The following PLD5 variants were observed in gnomAD, a reference collection of about 807,000 sequenced individuals.
PLD5 encodes inactive phospholipase D5.
Under a neutral mutation model 61.1 loss-of-function variants are expected in PLD5, and 36 were observed. The ratio of observed to expected loss-of-function variants is 0.59; its 90% CI spans 0.45 to 0.78. The LOEUF (loss-of-function observed/expected upper bound fraction) is 0.78. Ranked by LOEUF, PLD5 falls within the 30% of genes least tolerant of loss-of-function variation. PLD5 has a pLI of 0.00. For synonymous variants in PLD5, 243 were observed against 242.8 expected, an observed-to-expected ratio of 1.00 and a Z score of -0.01; for missense variants, 515 against 644.4, an observed-to-expected ratio of 0.80 and a Z score of 2.17.
At chr1:242,384,053 C>T (rs2149258416) in intron 1 of PLD5, among the ~76,000 whole-genome samples, 1 of 152,316 alleles carries the variant, frequency 6.6e-6, no homozygotes, top group Admixed American at 6.5e-5. Flanking sequence ...GGCTGAGCCA[C>T]TGCATCTGGG....
intron 1 of PLD5, among the ~76,000 whole-genome samples, chr1:242,403,722 C>G (rs1303913564): frequency 6.6e-6 from 1 of 152,078 alleles, no homozygotes; most frequent in Non-Finnish European, 1.5e-5. Flanking sequence ...CCCGCCTTGG[C>G]CTGGATAGGC....
intron 1 of PLD5, among the ~76,000 whole-genome samples, chr1:242,399,730 C>T (rs147196852): frequency 6.6e-6 from 1 of 152,226 alleles, no homozygotes; most frequent in African/African-American, 2.4e-5. Flanking sequence ...AGGAACTGAG[C>T]CCCACAGTAG....
chr1:242,439,479 G>A (rs1666171115), intron 1 of PLD5, among the ~76,000 whole-genome samples: 1 of 152,208 alleles, frequency 6.6e-6, no homozygotes, highest in African/African-American at 2.4e-5. Flanking sequence ...TCAGGCACTA[G>A]CGGGAAAATG....
chr1:242,500,718 G>A (rs1668526787), intron 1 of PLD5, among the ~76,000 whole-genome samples: 1 of 152,102 alleles, frequency 6.6e-6, no homozygotes, highest in Admixed American at 6.6e-5. Flanking sequence ...CAGAGCCCAG[G>A]AGCCTAAAAC....
At position 242,090,126 on chromosome 1, in the gene PLD5, G is replaced by C. The variant is rs763453200; in HGVS notation, c.1355-16C>G. ...TCAAAATTTCCTGCAAACAAACAAAGAAATAATGTTGAGGAGTTAGAGTCC... is the reference window on the plus strand; with the variant it reads ...TCAAAATTTCCTGCAAACAAACAAACAAATAATGTTGAGGAGTTAGAGTCC... On this transcript the variant is annotated splice_polypyrimidine_tract_variant and intron_variant, in intron 9 of 9. Transcript: ENST00000536534. 3.2e-5 allele frequency: 52 copies of C among 1,612,898 alleles called. No individual in the cohort carries two copies. The highest frequency in any genetic ancestry group is 1.1e-4 in the African/African-American group (8 of 74,840).
At chr1:242,385,438 T>C (rs1195867692) in intron 1 of PLD5, among the ~76,000 whole-genome samples, 3 of 152,164 alleles carry the variant, frequency 2.0e-5, no homozygotes, top group Non-Finnish European at 4.4e-5. Flanking sequence ...CTATGGATCA[T>C]GCACCTGCCC....
At chr1:242,099,560 G>C (rs551473296) in intron 9 of PLD5, among the ~76,000 whole-genome samples, 1 of 152,220 alleles carries the variant, frequency 6.6e-6, no homozygotes, top group African/African-American at 2.4e-5. Context: ...AGGGGCGGGA[G>C]GCAGTGGGTG....
At chr1:242,251,739 G>A (rs183305189) in intron 4 of PLD5, among the ~76,000 whole-genome samples, 67 of 152,166 alleles carry the variant, frequency 4.4e-4, no homozygotes, top group Non-Finnish European at 9.0e-4. Context: ...TAAGGGGAGA[G>A]AGCCATTTAA....
chr1:242,228,100 C>T (rs1304849217), intron 4 of PLD5, among the ~76,000 whole-genome samples: 2 of 152,160 alleles, frequency 1.3e-5, no homozygotes, highest in Non-Finnish European at 2.9e-5. Flanking sequence ...ATGGCGTGTT[C>T]ACATTTACAC....
rs571583614 is a variant in PLD5 at position 242,486,071 on chromosome 1, G to A, written c.189+38017C>T. Among the ~76,000 whole-genome samples, 22 of 151,946 alleles carry A rather than the reference G, an allele frequency of 1.4e-4. No homozygotes were observed. The South Asian group carries it at 4.2e-3, about 29-fold the overall frequency. On this transcript the variant is annotated intron_variant, in intron 1 of 9. Coordinates refer to ENST00000536534, the MANE Select transcript of PLD5 (RefSeq NM_001372062.1). ...CCTTATACAAAAATTAATTCAAGATGGATTAAAGACTTAAATGTTAGACCT... is the reference window on the plus strand; with the variant it reads ...CCTTATACAAAAATTAATTCAAGATAGATTAAAGACTTAAATGTTAGACCT...
At chr1:242,176,147 A>T (rs1267174581) in intron 5 of PLD5, among the ~76,000 whole-genome samples, 1 of 152,322 alleles carries the variant, frequency 6.6e-6, no homozygotes, top group African/African-American at 2.4e-5. Context: ...AAATAAAAAG[A>T]ATAAAGCTGG....
chr1:242,145,429 C>G (rs1016143699), intron 5 of PLD5, among the ~76,000 whole-genome samples: 1 of 151,890 alleles, frequency 6.6e-6, no homozygotes. Flanking sequence ...CCTAGTATGT[C>G]GTGGATGTTT....
rs115819151 is a variant in PLD5, at chr1:242,495,099, T to C, written c.189+28989A>G. Among the ~76,000 whole-genome samples, 1,027 of 152,246 alleles carry C rather than the reference T, an allele frequency of 6.7e-3. 14 individuals carry two copies. The highest frequency in any genetic ancestry group is 0.024 in the African/African-American group (978 of 41,552). ...CTTAACCAAGTCAAGCAGACAGTTC[T>C]GCCTCAACTGAAACCCATACTTAGC... On this transcript the variant is annotated intron_variant, in intron 1 of 9. Transcript: ENST00000536534.
At chr1:242,181,906 G>T (rs958433606) in intron 5 of PLD5, among the ~76,000 whole-genome samples, 4 of 152,134 alleles carry the variant, frequency 2.6e-5, no homozygotes, top group Non-Finnish European at 5.9e-5. Flanking sequence ...CTCCCAAAGT[G>T]CTGGGAAAAT....
chr1:242,495,404 T>C lies in PLD5; in HGVS notation c.189+28684A>G, dbSNP rs968273094. On this transcript the variant is annotated intron_variant, in intron 1 of 9. Coordinates refer to ENST00000536534, the MANE Select transcript of PLD5 (RefSeq NM_001372062.1). ...GAGAATAAGAAAAGTTTTAGAAGAA[T>C]TGGATTCCAAACAAGTTCATGAATG... Among the ~76,000 whole-genome samples the C allele has an allele frequency of 3.3e-5, 5 of 152,178 alleles. 1 individual carries two copies. The highest frequency in any genetic ancestry group is 3.4e-3 in the Middle Eastern group (1 of 292).
intron 4 of PLD5, among the ~76,000 whole-genome samples, chr1:242,262,029 T>C (rs1038404723): frequency 3.9e-5 from 6 of 152,194 alleles, no homozygotes; most frequent in Non-Finnish European, 7.3e-5. Flanking sequence ...TGTACAAGAA[T>C]GCTCATAGCA....
intron 4 of PLD5, among the ~76,000 whole-genome samples, chr1:242,230,313 T>C (rs2149034587): frequency 6.6e-6 from 1 of 152,312 alleles, no homozygotes; most frequent in African/African-American, 2.4e-5. Flanking sequence ...ATAAAATTAA[T>C]CACTAGCTTT....
At chr1:242,334,458 T>C (rs914466099) in intron 2 of PLD5, among the ~76,000 whole-genome samples, 10 of 152,086 alleles carry the variant, frequency 6.6e-5, no homozygotes, top group African/African-American at 2.4e-4. Context: ...GCAAGATGTG[T>C]GCTACAGGAA....
chr1:242,337,401 C>A (rs1338669272), intron 2 of PLD5, among the ~76,000 whole-genome samples: 2 of 118,814 alleles, frequency 1.7e-5, no homozygotes, highest in East Asian at 4.9e-4. Context: ...GAGGTCAAGG[C>A]GGATGGATCA....
Sources: allele counts gnomAD v4.1 joint callset (sites outside exome capture counted in the v4.1 genomes callset), GRCh38; gene constraint gnomAD v4.1.1; transcripts MANE v1.5; gene names NCBI Gene and HGNC (gene_info 2026-07-23, HGNC 2026-07-21).